Variants in BNC2 observed in about 807,000 individuals in gnomAD.
BNC2 encodes zinc finger protein basonuclin-2.
A neutral mutation model predicts 76.3 loss-of-function variants in BNC2; 20 were observed. The observed-to-expected ratio is 0.26, with a 90% CI of 0.18 to 0.38. BNC2 has a LOEUF of 0.38. BNC2 is among the 10% of genes least tolerant of loss of function. The probability of loss-of-function intolerance (pLI) is 1.00; values close to 1 mark genes in which losing one functional copy is unlikely to be tolerated. For missense variants in BNC2, 1,382 were observed against 1,399.8 expected, an observed-to-expected ratio of 0.99 and a Z score of 0.20; for synonymous variants, 582 against 514.8, an observed-to-expected ratio of 1.13 and a Z score of -1.77.
At chr9:16,439,032 G>GT (rs1821075552) in intron 5 of BNC2, among the ~76,000 whole-genome samples, 1 of 152,108 alleles carries the variant, frequency 6.6e-6, no homozygotes, top group Non-Finnish European at 1.5e-5. Context: ...ATGACAGTGA[G>GT]TAAGTCTCAT....
chr9:16,575,648 G>A (rs1819462823), intron 4 of BNC2, among the ~76,000 whole-genome samples: 1 of 152,206 alleles, frequency 6.6e-6, no homozygotes. Context: ...GAGCTTATCA[G>A]CAGTGATCAG....
intron 3 of BNC2, among the ~76,000 whole-genome samples, chr9:16,706,999 G>A (rs1300029453): frequency 2.0e-5 from 3 of 152,160 alleles, no homozygotes; most frequent in South Asian, 2.1e-4. Context: ...TCAGGAGATC[G>A]AGACCATCCT....
intron 3 of BNC2, among the ~76,000 whole-genome samples, chr9:16,631,258 T>G (rs2133738707): frequency 6.6e-6 from 1 of 152,298 alleles, no homozygotes; most frequent in Non-Finnish European, 1.5e-5. Flanking sequence ...ACCACAGATC[T>G]AAATCCTTAT....
chr9:16,530,643 T>G (rs1817947461), intron 5 of BNC2, among the ~76,000 whole-genome samples: 1 of 152,232 alleles, frequency 6.6e-6, no homozygotes, highest in Admixed American at 6.5e-5. Flanking sequence ...TGCATTAACT[T>G]TTTGCATTTG....
intron 5 of BNC2, among the ~76,000 whole-genome samples, chr9:16,465,297 G>A (rs974105281): frequency 2.3e-4 from 35 of 152,068 alleles, no homozygotes; most frequent in African/African-American, 8.2e-4. Context: ...TTAGCCAGGT[G>A]TGGTGGCAGG....
At chr9:16,722,994 T>G (rs1251898068) in intron 3 of BNC2, among the ~76,000 whole-genome samples, 2 of 152,306 alleles carry the variant, frequency 1.3e-5, no homozygotes, top group South Asian at 2.1e-4. Context: ...AGAATTATAT[T>G]TGAATATATG....
At chr9:16,788,124 T>C (rs1038533579) in intron 1 of BNC2, among the ~76,000 whole-genome samples, 1 of 152,174 alleles carries the variant, frequency 6.6e-6, no homozygotes, top group Non-Finnish European at 1.5e-5. Context: ...CCTGGATTTG[T>C]GACAACTGAA....
At chr9:16,659,646 T>A (rs1822050181) in intron 3 of BNC2, among the ~76,000 whole-genome samples, 1 of 151,614 alleles carries the variant, frequency 6.6e-6, no homozygotes, top group Non-Finnish European at 1.5e-5. Flanking sequence ...TGTTTCTGCA[T>A]CAGGGTCTTT....
At chr9:16,791,022 T>C (rs936136869) in intron 1 of BNC2, among the ~76,000 whole-genome samples, 5 of 152,094 alleles carry the variant, frequency 3.3e-5, no homozygotes, top group Non-Finnish European at 4.4e-5. Context: ...ATGAACAAAA[T>C]AACAGGAAGT....
Position 16,743,955 on chromosome 9 carries a change from AGTTTGTTT to A in BNC2, c.4-5478_4-5471del, listed in dbSNP as rs111863200. Among the ~76,000 whole-genome samples, 1,311 of 150,716 alleles carry A rather than the reference AGTTTGTTT, an allele frequency of 8.7e-3. 24 individuals carry two copies. The highest frequency in any genetic ancestry group is 0.03 in the African/African-American group (1,245 of 40,994). On this transcript the variant is annotated intron_variant, in intron 1 of 6. Transcript: ENST00000380672. ...TTATACTTTTATTCCTACAGACTGCAGTTTGTTTGTTTGTTTGTTTGTTTGTTTGGAGA... is the reference window on the plus strand; with the variant it reads ...TTATACTTTTATTCCTACAGACTGCAGTTTGTTTGTTTGTTTGTTTGGAGA...
At chr9:16,767,364 GAC>G (rs1257615194) in intron 1 of BNC2, among the ~76,000 whole-genome samples, 2 of 152,322 alleles carry the variant, frequency 1.3e-5, no homozygotes, top group East Asian at 3.9e-4. Context: ...TGCTCAGAGA[GAC>G]ACAAGGAAAC....
intron 3 of BNC2, among the ~76,000 whole-genome samples, chr9:16,609,284 T>C (rs559566174): frequency 4.6e-5 from 7 of 152,254 alleles, no homozygotes; most frequent in Admixed American, 4.6e-4. Context: ...ACCCACAGTA[T>C]CCTCAAGAAG....
At chr9:16,478,424 G>A (rs777071785) in intron 5 of BNC2, among the ~76,000 whole-genome samples, 7 of 152,142 alleles carry the variant, frequency 4.6e-5, no homozygotes, top group South Asian at 2.1e-4. Context: ...TAATACCACC[G>A]TAATTCTGTT....
Position 16,419,284 on chromosome 9 carries a change from G to C in BNC2, c.3005C>G (p.Ser1002Trp), listed in dbSNP as rs752799809. 2 of 1,614,066 alleles carry C rather than the reference G, an allele frequency of 1.2e-6. No individual in the cohort carries two copies. The highest frequency in any genetic ancestry group is 1.7e-6 in the Non-Finnish European group (2 of 1,179,976). Residue 1002 changes from serine (S) to tryptophan (W), a missense_variant, in exon 7 of 7, where the codon TCG becomes TGG. Transcript: ENST00000380672. ...DIDGASDSGE[S>W]AHKAEAPALP... Reference sequence around the variant, plus strand: ...GGCAGGGGCCTCGGCCTTGTGTGCCGACTCCCCACTGTCACTCGCCCCGTC... The same window carrying C: ...GGCAGGGGCCTCGGCCTTGTGTGCCCACTCCCCACTGTCACTCGCCCCGTC...
At chr9:16,650,761 G>A (rs1821771973) in intron 3 of BNC2, among the ~76,000 whole-genome samples, 1 of 152,008 alleles carries the variant, frequency 6.6e-6, no homozygotes, top group African/African-American at 2.4e-5. Context: ...AAAATATATT[G>A]CAGCTTCCAG....
At chr9:16,628,247 A>G (rs1335863784) in intron 3 of BNC2, among the ~76,000 whole-genome samples, 2 of 152,202 alleles carry the variant, frequency 1.3e-5, no homozygotes, top group Non-Finnish European at 2.9e-5. Context: ...ACCACAAGCA[A>G]TATAAGTGTG....
intron 5 of BNC2, among the ~76,000 whole-genome samples, chr9:16,448,195 C>G (rs551049856): frequency 6.6e-6 from 1 of 152,246 alleles, no homozygotes; most frequent in African/African-American, 2.4e-5. Flanking sequence ...TCTAGCTTAC[C>G]TCTCCTTGCA....
chr9:16,671,771 A>G (rs184901398), intron 3 of BNC2, among the ~76,000 whole-genome samples: 238 of 152,314 alleles, frequency 1.6e-3, no homozygotes, highest in African/African-American at 5.4e-3. Context: ...AACTCCAGTC[A>G]GCAGATCCTG....
rs760334910 is a variant in BNC2 at position 16,437,148 on chromosome 9, C to A, written c.1046G>T (p.Gly349Val). 6.2e-7 allele frequency: 1 copy of A among 1,614,112 alleles called. No individual in the cohort carries two copies. Among genetic ancestry groups the A allele is most frequent in the Non-Finnish European group, 8.5e-7 (1 of 1,180,018 alleles). Residue 349 changes from glycine to valine, a missense_variant, in exon 6 of 7, where the codon GGG becomes GTG. Gly to Val is a moderately radical substitution (Grantham distance 109). Coordinates refer to ENST00000380672, the MANE Select transcript of BNC2 (RefSeq NM_017637.6). ...PPNGLLLEQP[G>V]LRLREPSLST... is the part of the protein sequence containing the mutation. ...AAGGCTGGGTTCCCGCAGCCTCAAC[C>A]CTGGTTGCTCTAACAGTAGCCCATT...
Sources: gnomAD v4.1 joint callset for allele counts (sites outside exome capture counted in the v4.1 genomes callset) on GRCh38, gnomAD v4.1.1 for gene constraint, MANE v1.5 for transcripts, NCBI Gene and HGNC (gene_info 2026-07-23, HGNC 2026-07-21) for gene names.